ARL10: variants seen among roughly 807,000 people sequenced by gnomAD.
The protein encoded by ARL10 is ADP-ribosylation factor-like protein 10.
A neutral mutation model predicts 26.1 loss-of-function variants in ARL10; 23 were observed. That is an observed-to-expected ratio of 0.88 (90% CI 0.63 to 1.25). The LOEUF (loss-of-function observed/expected upper bound fraction) is 1.25. ARL10 is among the 50% of genes most tolerant of loss of function. The pLI is 0.00. For missense variants in ARL10, 300 were observed against 323.6 expected (o/e 0.93, Z 0.56); for synonymous variants, 138 against 149.1 (o/e 0.93, Z 0.54).
chr5:176,409,876 G>A, the ARL10 span, among the ~76,000 whole-genome samples: 1 of 152,208 alleles, frequency 6.6e-6, no homozygotes, highest in Non-Finnish European at 1.5e-5. Flanking sequence ...TTCTGGAAGT[G>A]GAATCTCTGG....
At chr5:176,406,229 G>A, downstream of ARL10, 1 of 1,009,070 alleles carries the variant, frequency 9.9e-7, no homozygotes, top group Non-Finnish European at 1.2e-6. Context: ...AGCGGCTAGA[G>A]CAATGTTCTG....
chr5:176,389,288 G>T (rs1317686144), downstream of ARL10: 9 of 1,583,944 alleles, frequency 5.7e-6, no homozygotes, highest in Non-Finnish European at 7.7e-6. Context: ...ATGACCTGCG[G>T]GGCCCGACCT....
exon 2 of ARL10, chr5:176,388,470 G>C: frequency 6.2e-7 from 1 of 1,614,198 alleles, no homozygotes; most frequent in South Asian, 1.1e-5. Context: ...CGAGCATTCC[G>C]GTTCAGACGC....
the ARL10 span, among the ~76,000 whole-genome samples, chr5:176,413,451 G>C: frequency 6.6e-6 from 1 of 152,224 alleles, no homozygotes; most frequent in Non-Finnish European, 1.5e-5. Flanking sequence ...CCATCATCCA[G>C]ATCACCCAGG....
chr5:176,400,298 T>C (rs1010388840), intron 1 of ARL10, among the ~76,000 whole-genome samples: 1 of 152,208 alleles, frequency 6.6e-6, no homozygotes, highest in African/African-American at 2.4e-5. Flanking sequence ...GTGAGATATT[T>C]AGAAGAGTGC....
In ARL10 at chr5:176,365,685, A is replaced by C; in HGVS notation, c.122A>C (p.Asp41Ala). ...GGCCGCGGCCGAGAGCGGCGCTGGG[A>C]CCGGGGAGAGGCCTGGTGGGGCGCG... ...YFGRGRERRW[D>A]RGEAWWGAEA... Residue 41 changes from aspartate to alanine, a missense_variant, in exon 1 of 4, where the codon GAC (aspartate) becomes GCC (alanine). Transcript: ENST00000310389. The C allele has an allele frequency of 2.4e-6, 3 of 1,244,270 alleles. No homozygotes were observed. The highest frequency in any genetic ancestry group is 2.0e-6 in the Non-Finnish European group (2 of 993,020). The allele number at this position is 1,244,270 out of a possible 1,614,324, so 77.1% of individuals were successfully genotyped here.
downstream of ARL10, chr5:176,389,499 C>T (rs1281328122): frequency 3.1e-6 from 5 of 1,610,972 alleles, no homozygotes; most frequent in African/African-American, 6.7e-5. Flanking sequence ...CGACCCTAAG[C>T]CCAGGGTCTG....
intron 1 of ARL10, among the ~76,000 whole-genome samples, chr5:176,397,058 G>T (rs1473609070): frequency 2.0e-5 from 3 of 152,062 alleles, no homozygotes; most frequent in African/African-American, 7.2e-5. Flanking sequence ...CGTGCAGAGG[G>T]CCCTACTGTA....
intron 3 of ARL10, among the ~76,000 whole-genome samples, chr5:176,370,166 T>C (rs1386170359): frequency 6.6e-6 from 1 of 152,164 alleles, no homozygotes. Flanking sequence ...AATCATGACC[T>C]CACTTCCCTC....
In ARL10 at chr5:176,374,716, T is replaced by C. The variant is rs1022382092; in HGVS notation, c.*2821T>C. ...AAAGTGTTTGATTTTTTAGTTAGCT[T>C]TTGGTAACACAAGTCATGGTGATTG... On this transcript the variant is annotated 3_prime_UTR_variant, in exon 4 of 4. Coordinates refer to ENST00000310389, the MANE Select transcript of ARL10 (RefSeq NM_173664.6). The C allele has an allele frequency of 6.6e-6, 1 of 152,220 alleles. No individual in the cohort carries two copies. Among genetic ancestry groups the C allele is most frequent in the Non-Finnish European group, 1.5e-5 (1 of 68,038 alleles). 9.4% of individuals were successfully genotyped at this position (152,220 alleles called of 1,614,324 possible). A position where few individuals can be genotyped will look rare whatever the true frequency, so the allele number is the denominator to read the frequency against.
chr5:176,386,308 A>G, downstream of ARL10: 1 of 182,192 alleles, frequency 5.5e-6, no homozygotes, highest in South Asian at 1.2e-4. Context: ...GGAATTCTGT[A>G]TCAAATGTCT....
At chr5:176,410,344 C>T in the ARL10 span, 39 of 1,588,264 alleles carry the variant, frequency 2.5e-5, no homozygotes, top group Non-Finnish European at 1.7e-6. Context: ...CACTGTTTAG[C>T]TTATAGCAAG....
In ARL10 at chr5:176,377,447, C is replaced by A. The variant is rs1207261596; in HGVS notation, c.*5552C>A. 6.6e-6 allele frequency: 1 copy of A among 152,184 alleles called. No individual in the cohort carries two copies. The highest frequency in any genetic ancestry group is 1.5e-5 in the Non-Finnish European group (1 of 68,034). 9.4% of individuals were successfully genotyped at this position (152,184 alleles called of 1,614,324 possible). ...AAAGGAAACACATGTTCTTATAACT[C>A]CTTAGCTACTGCCATAGCATCAGCT... On this transcript the variant is annotated 3_prime_UTR_variant, in exon 4 of 4. Transcript: ENST00000310389. This position sits in a 1 kb window ranked among gnomAD's most constrained non-coding sequence, Gnocchi z 4.5.
chr5:176,369,405 G>T (rs539883666), intron 3 of ARL10, among the ~76,000 whole-genome samples: 14 of 151,978 alleles, frequency 9.2e-5, no homozygotes, highest in Admixed American at 3.9e-4. Context: ...GCCAATTTTT[G>T]TATTTTTAGT....
intron 1 of ARL10, chr5:176,388,167 G>A: frequency 8.2e-7 from 1 of 1,219,110 alleles, no homozygotes; most frequent in South Asian, 1.3e-5. Flanking sequence ...ACCACGTTCT[G>A]ACACCTAGGT....
At chr5:176,388,768 C>T, downstream of ARL10, 3 of 1,593,320 alleles carry the variant, frequency 1.9e-6, no homozygotes, top group South Asian at 3.4e-5. Flanking sequence ...ATGACCTTCA[C>T]CGGGAGGCTG....
chr5:176,385,441 C>G, downstream of ARL10: 2 of 682,000 alleles, frequency 2.9e-6, no homozygotes, highest in East Asian at 2.6e-5. Flanking sequence ...ACCACACCAA[C>G]CACCTGGGGG....
In ARL10 at chr5:176,380,104, C is replaced by G. The variant is rs1379123342; in HGVS notation, c.*8209C>G. The G allele has an allele frequency of 6.6e-6, 1 of 152,184 alleles. No individual in the cohort carries two copies. The highest frequency in any genetic ancestry group is 1.5e-5 in the Non-Finnish European group (1 of 68,050). 9.4% of individuals were successfully genotyped at this position (152,184 alleles called of 1,614,324 possible). A position where few individuals can be genotyped will look rare whatever the true frequency, so the allele number is the denominator to read the frequency against. ...TTTGTAAGGCATTTGTCCAACTTCC[C>G]CTTTTTCATTAGCCTCAAGGAGAAA... On this transcript the variant is annotated 3_prime_UTR_variant, in exon 4 of 4. Coordinates refer to ENST00000310389, the MANE Select transcript of ARL10 (RefSeq NM_173664.6).
the ARL10 span, among the ~76,000 whole-genome samples, chr5:176,409,262 C>T: frequency 4.1e-5 from 6 of 147,838 alleles, no homozygotes. Context: ...GCATGAGCCA[C>T]CACGCCCAGC....
Sources: gnomAD v4.1 joint callset for allele counts (sites outside exome capture counted in the v4.1 genomes callset) on GRCh38, gnomAD v4.1.1 for gene constraint, Gnocchi (gnomAD v3.1) non-coding constraint, MANE v1.5 for transcripts, NCBI Gene and HGNC (gene_info 2026-07-23, HGNC 2026-07-21) for gene names.